EPB41L4A: variants seen among roughly 807,000 people sequenced by gnomAD.
The protein encoded by EPB41L4A is band 4.1-like protein 4A.
A neutral mutation model predicts 108.6 loss-of-function variants in EPB41L4A; 100 were observed. That is an observed-to-expected ratio of 0.92 (90% confidence interval 0.78 to 1.09). The LOEUF is 1.09. Among genes scored for constraint, EPB41L4A ranks in the 50% least tolerant of loss-of-function variants. The pLI, the probability that EPB41L4A is intolerant of heterozygous loss-of-function variation, is 0.00. For missense variants in EPB41L4A, 1,030 were observed against 842.7 expected (o/e 1.22, Z -2.75); for synonymous variants, 319 against 289.0 (o/e 1.10, Z -1.05).
intron 2 of EPB41L4A, among the ~76,000 whole-genome samples, chr5:112,286,184 A>G (rs1037579064): frequency 7.3e-5 from 11 of 151,354 alleles, no homozygotes; most frequent in Admixed American, 3.3e-4. Context: ...CATTTCCCTC[A>G]CTATTCATTA....
chr5:112,321,979 C>T (rs775987910), intron 1 of EPB41L4A, among the ~76,000 whole-genome samples: 3 of 152,160 alleles, frequency 2.0e-5, no homozygotes, highest in Non-Finnish European at 2.9e-5. Flanking sequence ...GCTTCATTAA[C>T]ATTTTTATGT....
intron 2 of EPB41L4A, among the ~76,000 whole-genome samples, chr5:112,301,194 G>C (rs1464052936): frequency 2.0e-5 from 3 of 152,060 alleles, no homozygotes; most frequent in African/African-American, 7.2e-5. Context: ...TGATGAGAGA[G>C]TATGATTTTT....
At chr5:112,393,353 T>C (rs532801101) in intron 1 of EPB41L4A, among the ~76,000 whole-genome samples, 3 of 151,066 alleles carry the variant, frequency 2.0e-5, no homozygotes, top group African/African-American at 4.9e-5. Flanking sequence ...GCAAGACTAA[T>C]AAAGAAGAAA....
Position 112,262,611 on chromosome 5 carries a change from A to G in EPB41L4A, c.555-30T>C. ...ACCCAGCACAAAAACAAAGAGCCTTATTTTACAGCAGCTACTGCACTTACA... is the reference window on the plus strand; with the variant it reads ...ACCCAGCACAAAAACAAAGAGCCTTGTTTTACAGCAGCTACTGCACTTACA... On this transcript the variant is annotated intron_variant, in intron 6 of 22. Coordinates refer to ENST00000261486, the MANE Select transcript of EPB41L4A (RefSeq NM_022140.5). The G allele has an allele frequency of 1.9e-6, 3 of 1,567,016 alleles. No homozygotes were observed. The South Asian group carries it at 3.4e-5, about 18-fold the overall frequency.
intron 1 of EPB41L4A, among the ~76,000 whole-genome samples, chr5:112,369,788 C>A (rs1344297747): frequency 6.6e-6 from 1 of 152,132 alleles, no homozygotes; most frequent in Non-Finnish European, 1.5e-5. Flanking sequence ...ACACAGTCCC[C>A]TTGGCACTAC....
At position 112,350,920 on chromosome 5, in the gene EPB41L4A, C is replaced by G. The variant is rs550756296; in HGVS notation, c.100-43430G>C. ...TCTATCTTTGCTATTGTGACTAATT[C>G]AGCGCTGCAATAAACAGAGAGATAC... is the stretch of plus-strand genomic sequence containing the variant. On this transcript the variant is annotated intron_variant, in intron 1 of 22. Transcript: ENST00000261486. Among the ~76,000 whole-genome samples the G allele has an allele frequency of 1.2e-3, 181 of 152,274 alleles. 1 individual carries two copies. The highest frequency in any genetic ancestry group is 4.1e-3 in the African/African-American group (172 of 41,558).
intron 1 of EPB41L4A, among the ~76,000 whole-genome samples, chr5:112,409,321 G>A (rs994990827): frequency 1.3e-5 from 2 of 152,146 alleles, no homozygotes; most frequent in African/African-American, 2.4e-5. Flanking sequence ...ACACAGTGGT[G>A]GGGGCAGGGG....
At position 112,372,086 on chromosome 5, in the gene EPB41L4A, G is replaced by A. The variant is rs562427216; in HGVS notation, c.99+46855C>T. On this transcript the variant is annotated intron_variant, in intron 1 of 22. Coordinates refer to ENST00000261486, the MANE Select transcript of EPB41L4A (RefSeq NM_022140.5). ...ACATATCAACAGTGATAAGTATTAG[G>A]AAGTGTATTAGTCTGTTCTCATGCT... Among the ~76,000 whole-genome samples the A allele has an allele frequency of 1.1e-4, 17 of 152,300 alleles. No individual in the cohort carries two copies. In the South Asian group the frequency reaches 3.5e-3, roughly 32 times the overall value.
chr5:112,413,365 C>T (rs1304974672), intron 1 of EPB41L4A, among the ~76,000 whole-genome samples: 1 of 152,198 alleles, frequency 6.6e-6, no homozygotes, highest in African/African-American at 2.4e-5. Flanking sequence ...CAGTGGGATT[C>T]ACTTTATTCT....
Position 112,148,178 on chromosome 5 carries a change from TAATAA to T in EPB41L4A, n.995-2185_995-2181del, listed in dbSNP as rs1411136482. ...AATATAATAGTATTACTATATAATATAATAATATAATAGTATTACTATATAATATA... is the reference window on the plus strand; with the variant it reads ...AATATAATAGTATTACTATATAATATTATAATAGTATTACTATATAATATA... On this transcript the variant is annotated intron_variant and non_coding_transcript_variant, in intron 12 of 13. Coordinates refer to the EPB41L4A transcript ENST00000507810. Among the ~76,000 whole-genome samples the T allele has an allele frequency of 6.2e-5, 9 of 145,726 alleles. No homozygotes were observed. In the East Asian group the frequency reaches 1.8e-3, roughly 28 times the overall value.
intron 2 of EPB41L4A, among the ~76,000 whole-genome samples, chr5:112,282,108 G>C (rs905355539): frequency 6.6e-6 from 1 of 152,172 alleles, no homozygotes. Context: ...TGAGGCAGAG[G>C]ATGTGTCAGT....
At chr5:112,392,401 CAAAAAAAAAAAAAAA>C (rs56256606) in intron 1 of EPB41L4A, among the ~76,000 whole-genome samples, 8 of 35,916 alleles carry the variant, frequency 2.2e-4, no homozygotes, top group Admixed American at 4.0e-4. Context: ...AAATGGAAAG[CAAAAAAAAAAAAAAA>C]AAAAAAAAGC....
intron 14 of EPB41L4A, among the ~76,000 whole-genome samples, chr5:112,204,827 A>G (rs1160002526): frequency 2.0e-5 from 3 of 152,206 alleles, no homozygotes; most frequent in Non-Finnish European, 4.4e-5. Context: ...TCATTATCTC[A>G]GCTAATCTTC....
intron 18 of EPB41L4A, among the ~76,000 whole-genome samples, chr5:112,180,502 C>A (rs1181614046): frequency 6.6e-6 from 1 of 152,108 alleles, no homozygotes; most frequent in African/African-American, 2.4e-5. Context: ...GGATAGACTA[C>A]AGGAAAAACA....
rs1212576063 is a variant in EPB41L4A at position 112,419,273 on chromosome 5, G to A, written c.-234C>T. The A allele has an allele frequency of 2.6e-6, 1 of 389,488 alleles. No individual in the cohort carries two copies. Among genetic ancestry groups the A allele is most frequent in the African/African-American group, 2.2e-5 (1 of 45,964 alleles). The allele number at this position is 389,488 out of a possible 1,614,324, so 24.1% of individuals were successfully genotyped here. ...GGGAGCCGCCGGGGAAGCGCCGGCG[G>A]AACTGGGCGCGGAGGGCGGTGGCGC... is the stretch of plus-strand genomic sequence containing the variant. On this transcript the variant is annotated 5_prime_UTR_variant, in exon 1 of 23. Coordinates refer to ENST00000261486, the MANE Select transcript of EPB41L4A (RefSeq NM_022140.5).
chr5:112,394,386 G>A (rs1761181960), intron 1 of EPB41L4A, among the ~76,000 whole-genome samples: 1 of 152,158 alleles, frequency 6.6e-6, no homozygotes, highest in Non-Finnish European at 1.5e-5. Context: ...AGCAACTTCA[G>A]CAAAGTCTCA....
At chr5:112,144,691 A>G (rs563234802) in intron 13 of EPB41L4A, among the ~76,000 whole-genome samples, 1 of 152,264 alleles carries the variant, frequency 6.6e-6, no homozygotes, top group East Asian at 1.9e-4. Flanking sequence ...ATAGAAGAAA[A>G]CCTAGAGGTC....
At chr5:112,220,285 T>G (rs764646884) in intron 12 of EPB41L4A, among the ~76,000 whole-genome samples, 1 of 152,172 alleles carries the variant, frequency 6.6e-6, no homozygotes, top group Non-Finnish European at 1.5e-5. Context: ...TTCTATCAAG[T>G]GACAAATCCG....
At chr5:112,167,065 T>A (rs1429134609) in intron 22 of EPB41L4A, among the ~76,000 whole-genome samples, 1 of 147,434 alleles carries the variant, frequency 6.8e-6, no homozygotes, top group Non-Finnish European at 1.5e-5. Context: ...TAAGTTTTTT[T>A]AATTCCTGAG....
Sources: gnomAD v4.1 joint callset for allele counts (sites outside exome capture counted in the v4.1 genomes callset) on GRCh38, gnomAD v4.1.1 for gene constraint, MANE v1.5 for transcripts, NCBI Gene and HGNC (gene_info 2026-07-23, HGNC 2026-07-21) for gene names.